The following CFAP96 variants were observed in gnomAD, a reference collection of about 807,000 sequenced individuals.
CFAP96 encodes the protein cilia and flagella associated protein 96.
the CFAP96 span, among the ~76,000 whole-genome samples, chr4:185,410,354 A>T: frequency 1.3e-5 from 2 of 152,334 alleles, no homozygotes; most frequent in Admixed American, 1.3e-4. Flanking sequence ...CTTACATTAG[A>T]AAATAAGAAA....
the CFAP96 span, among the ~76,000 whole-genome samples, chr4:185,433,883 CAG>C: frequency 6.6e-6 from 1 of 151,830 alleles, no homozygotes; most frequent in African/African-American, 2.4e-5. Flanking sequence ...GCCTGGGCGA[CAG>C]AGACTCTGTC....
the CFAP96 span, among the ~76,000 whole-genome samples, chr4:185,409,820 G>T: frequency 6.6e-6 from 1 of 152,140 alleles, no homozygotes; most frequent in Non-Finnish European, 1.5e-5. Context: ...AAAAGAGAGG[G>T]GCATAGGAGG....
At chr4:185,427,720 TCTGC>T in the CFAP96 span, among the ~76,000 whole-genome samples, 3 of 141,102 alleles carry the variant, frequency 2.1e-5, no homozygotes, top group South Asian at 2.4e-4. Context: ...AGATAGCGCC[TCTGC>T]ATTCCAGCCT....
chr4:185,447,268 A>G, the CFAP96 span, among the ~76,000 whole-genome samples: 3,041 of 150,022 alleles, frequency 0.02, 48 homozygotes, highest in Middle Eastern at 0.055. Context: ...TGCAAGCTCC[A>G]CCTGCCGGGT....
At chr4:185,426,069 G>T in the CFAP96 span, 1 of 618,866 alleles carries the variant, frequency 1.6e-6, no homozygotes. Context: ...GGTAGCCGAA[G>T]ACTTATGTTT....
the CFAP96 span, among the ~76,000 whole-genome samples, chr4:185,425,550 T>A: frequency 6.6e-6 from 1 of 152,174 alleles, no homozygotes; most frequent in Non-Finnish European, 1.5e-5. Flanking sequence ...CGAAGAAAGT[T>A]GCGCCTGTCC....
the CFAP96 span, chr4:185,415,249 T>C: frequency 9.3e-6 from 15 of 1,604,676 alleles, no homozygotes; most frequent in Non-Finnish European, 1.3e-5. Flanking sequence ...GTGCAGTGGT[T>C]CAGGGACCAC....
At chr4:185,443,921 C>CTTTTTTTT in the CFAP96 span, among the ~76,000 whole-genome samples, 18 of 82,850 alleles carry the variant, frequency 2.2e-4, 2 homozygotes, top group African/African-American at 6.5e-4. Context: ...CTATATCTTT[C>CTTTTTTTT]TTTTTTTTTT....
chr4:185,425,789 C>A, the CFAP96 span: 6 of 1,559,024 alleles, frequency 3.8e-6, no homozygotes, highest in Middle Eastern at 1.7e-4. Context: ...TCCTTTCAGG[C>A]GCTGTGAAGC....
chr4:185,435,967 T>G, the CFAP96 span: 1 of 1,173,032 alleles, frequency 8.5e-7, no homozygotes, highest in Non-Finnish European at 1.2e-6. Flanking sequence ...TTCAATCTGT[T>G]TAAAAATTAT....
At chr4:185,445,996 C>T in the CFAP96 span, among the ~76,000 whole-genome samples, 10 of 152,222 alleles carry the variant, frequency 6.6e-5, no homozygotes, top group South Asian at 1.9e-3. Context: ...CATGCAACAC[C>T]ACACCCGGCT....
chr4:185,421,645 G>A, the CFAP96 span, among the ~76,000 whole-genome samples: 1 of 152,148 alleles, frequency 6.6e-6, no homozygotes, highest in Admixed American at 6.5e-5. Flanking sequence ...TGTACAGTCT[G>A]CAGAACTGTG....
the CFAP96 span, among the ~76,000 whole-genome samples, chr4:185,431,095 A>G: frequency 1.3e-5 from 2 of 151,804 alleles, no homozygotes; most frequent in Non-Finnish European, 2.9e-5. Context: ...CTGTAGTCCC[A>G]GCTACTTGGG....
At chr4:185,429,261 AAT>A in the CFAP96 span, 1 of 504,008 alleles carries the variant, frequency 2.0e-6, no homozygotes, top group Non-Finnish European at 3.4e-6. Flanking sequence ...GACTGAAAGT[AAT>A]TAGAACTGGA....
At chr4:185,438,403 C>T in the CFAP96 span, among the ~76,000 whole-genome samples, 1 of 152,068 alleles carries the variant, frequency 6.6e-6, no homozygotes, top group Non-Finnish European at 1.5e-5. Context: ...TAATTTCATA[C>T]ATTGTGGTTT....
the CFAP96 span, among the ~76,000 whole-genome samples, chr4:185,424,644 TA>T: frequency 6.6e-6 from 1 of 152,220 alleles, no homozygotes; most frequent in Non-Finnish European, 1.5e-5. Context: ...TAGCTATTAA[TA>T]AGAAATCAGT....
chr4:185,442,065 T>C, the CFAP96 span, among the ~76,000 whole-genome samples: 1 of 152,156 alleles, frequency 6.6e-6, no homozygotes, highest in African/African-American at 2.4e-5. Context: ...TTCTGAGTTT[T>C]CATTCCATTT....
chr4:185,449,522 TAAAA>T, the CFAP96 span: 1 of 827,058 alleles, frequency 1.2e-6, no homozygotes, highest in Non-Finnish European at 1.8e-6. Flanking sequence ...GACCCGGTCT[TAAAA>T]AAAAAAAAGA....
At chr4:185,412,427 C>T in the CFAP96 span, among the ~76,000 whole-genome samples, 1 of 152,082 alleles carries the variant, frequency 6.6e-6, no homozygotes. Flanking sequence ...CGTACTGTAT[C>T]GTATATGCAT....
Sources: gnomAD v4.1 joint callset for allele counts (sites outside exome capture counted in the v4.1 genomes callset) on GRCh38, gnomAD v4.1.1 for gene constraint, MANE v1.5 for transcripts, NCBI Gene and HGNC (gene_info 2026-07-23, HGNC 2026-07-21) for gene names.